Variants in SFI1 observed in about 807,000 individuals in gnomAD.
SFI1 encodes SFI1 centrin binding protein.
A neutral mutation model predicts 207.5 loss-of-function variants in SFI1; 195 were observed. The ratio of observed to expected loss-of-function variants is 0.94; its 90% CI spans 0.84 to 1.06. The LOEUF (loss-of-function observed/expected upper bound fraction) is 1.06. Among genes scored for constraint, SFI1 ranks in the 50% least tolerant of loss-of-function variants. The probability of loss-of-function intolerance (pLI) is 0.00; values close to 1 mark genes in which losing one functional copy is unlikely to be tolerated. For synonymous variants in SFI1, 630 were observed against 598.9 expected, an observed-to-expected ratio of 1.05 and a Z score of -0.76; for missense variants, 1,634 against 1,588.0, an observed-to-expected ratio of 1.03 and a Z score of -0.49.
chr22:31,608,643 GA>G (rs2069498149), intron 22 of SFI1, among the ~76,000 whole-genome samples: 5 of 137,090 alleles, frequency 3.6e-5, no homozygotes, highest in African/African-American at 5.9e-5. Flanking sequence ...GATCTACAGA[GA>G]AATAAAGAAA....
At chr22:31,553,913 G>T (rs1479868189) in intron 6 of SFI1, among the ~76,000 whole-genome samples, 1 of 130,078 alleles carries the variant, frequency 7.7e-6, no homozygotes, top group African/African-American at 3.0e-5. Context: ...GTGGTGTGAG[G>T]ATAACCCATT....
chr22:31,556,969 G>C lies in SFI1; in HGVS notation c.572G>C (p.Trp191Ser). 6.2e-7 allele frequency: 1 copy of C among 1,610,042 alleles called. No homozygotes were observed. Among genetic ancestry groups the C allele is most frequent in the Admixed American group, 1.7e-5 (1 of 59,304 alleles). ...GCAAAGCAAAAGATGCGACAGGCCTGGAAGTCCTGGTTGATCTACGTGGTT... is the reference window on the plus strand; with the variant it reads ...GCAAAGCAAAAGATGCGACAGGCCTCGAAGTCCTGGTTGATCTACGTGGTT... ...HDAKQKMRQAWKSWLIYVVVR... is the reference protein window; with the variant it reads ...HDAKQKMRQASKSWLIYVVVR... The change falls in exon 7 of 33, where the codon TGG becomes TCG. Residue 191 changes from tryptophan to serine, a missense_variant. Trp to Ser is a radical substitution (Grantham distance 177). Coordinates refer to ENST00000400288, the MANE Select transcript of SFI1 (RefSeq NM_001007467.3).
At chr22:31,565,610 G>A (rs2062216578) in intron 8 of SFI1, among the ~76,000 whole-genome samples, 1 of 152,054 alleles carries the variant, frequency 6.6e-6, no homozygotes, top group Admixed American at 6.6e-5. Context: ...TAGGTTGGAG[G>A]ATCACTTGAA....
chr22:31,589,683 C>G, intron 15 of SFI1, 106 bp downstream of exon 15: 1 of 1,224,428 alleles, frequency 8.2e-7, no homozygotes. Flanking sequence ...ACCCCAGGCC[C>G]TAGTACTTCC....
chr22:31,547,981 G>A (rs1419297475), intron 5 of SFI1, among the ~76,000 whole-genome samples: 6 of 151,014 alleles, frequency 4.0e-5, no homozygotes, highest in African/African-American at 7.3e-5. Flanking sequence ...TTGGGAGGCC[G>A]AGATGGGCGG....
Position 31,564,902 on chromosome 22 carries a change from C to T in SFI1, c.765+3510C>T, listed in dbSNP as rs1458387185. 3.4e-5 allele frequency among the ~76,000 whole-genome samples: 5 copies of T among 148,076 alleles called. 1 individual carries two copies. Among genetic ancestry groups the T allele is most frequent in the Non-Finnish European group, 5.9e-5 (4 of 67,582 alleles). On this transcript the variant is annotated intron_variant, in intron 8 of 32. Transcript: ENST00000400288. Reference sequence around the variant, plus strand: ...GATGTTGGCTCACTGCAAGCTCCGCCTCCCGGGTTCACGTCATTCTCCTGC... The same window carrying T: ...GATGTTGGCTCACTGCAAGCTCCGCTTCCCGGGTTCACGTCATTCTCCTGC...
Position 31,514,493 on chromosome 22 carries a change from G to A in SFI1, c.92+6117G>A, listed in dbSNP as rs2056173668. Among the ~76,000 whole-genome samples, 3 of 126,988 alleles carry A rather than the reference G, an allele frequency of 2.4e-5. No individual in the cohort carries two copies. In the South Asian group the frequency reaches 9.1e-4, roughly 38 times the overall value. 83.3% of individuals were successfully genotyped at this position (126,988 alleles called of 152,430 possible). A position where few individuals can be genotyped will look rare whatever the true frequency, so the allele number is the denominator to read the frequency against. ...ACTACACTCCAGCCTGGGCGACAGA[G>A]TGAGACTCTGTCTCAAAAAAAAAAA... On this transcript the variant is annotated intron_variant, in intron 2 of 32. Transcript: ENST00000400288.
At chr22:31,502,750 T>A (rs746800660) in intron 1 of SFI1, among the ~76,000 whole-genome samples, 9 of 152,168 alleles carry the variant, frequency 5.9e-5, no homozygotes, top group Non-Finnish European at 1.0e-4. Flanking sequence ...TTTTGGTCTC[T>A]TTTTTATTTG....
intron 15 of SFI1, among the ~76,000 whole-genome samples, chr22:31,598,716 C>CTCTTTTT (rs2067574031): frequency 3.7e-5 from 1 of 26,882 alleles, no homozygotes; most frequent in South Asian, 2.3e-3. Context: ...TGCGCCTGGC[C>CTCTTTTT]TTTTTTTTTT....
intron 2 of SFI1, among the ~76,000 whole-genome samples, chr22:31,522,456 A>G (rs1018563793): frequency 3.9e-5 from 6 of 152,096 alleles, no homozygotes; most frequent in East Asian, 1.9e-4. Flanking sequence ...TCATCATCCC[A>G]TGTGGAAATT....
upstream of SFI1, chr22:31,496,353 T>C (rs1280878972): frequency 2.0e-5 from 3 of 152,292 alleles, no homozygotes; most frequent in Non-Finnish European, 4.4e-5. Flanking sequence ...GGGTGCATGC[T>C]CCACGCCCCT....
Position 31,609,681 on chromosome 22 carries a change from C to T in SFI1, c.2255-1462C>T, listed in dbSNP as rs1323459431. The stretch of plus-strand genomic sequence containing the variant: ...GACAAAACCCTGGGGTCAGCCATCC[C>T]ACACGGCTGCATTACTGCGCCACGA... On this transcript the variant is annotated intron_variant, in intron 22 of 32. Transcript: ENST00000400288. Among the ~76,000 whole-genome samples, 10 of 152,238 alleles carry T rather than the reference C, an allele frequency of 6.6e-5. No individual in the cohort carries two copies. The East Asian group carries it at 1.9e-3, about 29-fold the overall frequency.
At chr22:31,595,815 A>T (rs993052759) in intron 15 of SFI1, among the ~76,000 whole-genome samples, 6 of 152,158 alleles carry the variant, frequency 3.9e-5, no homozygotes, top group African/African-American at 1.4e-4. Flanking sequence ...CTATAGATAG[A>T]TATTCGAAAG....
At chr22:31,506,456 A>G (rs1402446325) in intron 1 of SFI1, among the ~76,000 whole-genome samples, 1 of 152,210 alleles carries the variant, frequency 6.6e-6, no homozygotes, top group Non-Finnish European at 1.5e-5. Flanking sequence ...CTTGGCCTCT[A>G]CTGGTGTTTT....
chr22:31,548,771 T>C (rs2060344672), intron 5 of SFI1, among the ~76,000 whole-genome samples: 2 of 151,534 alleles, frequency 1.3e-5, no homozygotes, highest in South Asian at 4.2e-4. Context: ...ATCATGCCAC[T>C]GCACTCCAGT....
chr22:31,565,989 A>C (rs1020320087), intron 8 of SFI1, among the ~76,000 whole-genome samples: 9 of 150,864 alleles, frequency 6.0e-5, no homozygotes, highest in African/African-American at 1.7e-4. Context: ...GGATAGACAG[A>C]GATCTATTAA....
chr22:31,582,227 TATATATA>T, intron 12 of SFI1, among the ~76,000 whole-genome samples: 2 of 48,454 alleles, frequency 4.1e-5, no homozygotes, highest in Admixed American at 2.3e-4. Context: ...TATATATATA[TATATATA>T]TATTTTTTTT....
chr22:31,614,995 T>A, intron 28 of SFI1, 53 bp from the exon 29 acceptor site: 1 of 1,587,498 alleles, frequency 6.3e-7, no homozygotes, highest in Non-Finnish European at 8.6e-7. Context: ...TGTTCTTTGG[T>A]CCCAGAGGAG....
In SFI1 at chr22:31,615,292, C is replaced by T. The variant is rs909231669; in HGVS notation, c.3300+13C>T. 2 of 1,474,548 alleles carry T rather than the reference C, an allele frequency of 1.4e-6. No individual in the cohort carries two copies. Among genetic ancestry groups the T allele is most frequent in the Non-Finnish European group, 1.8e-6 (2 of 1,118,770 alleles). 91.3% of individuals were successfully genotyped at this position (1,474,548 alleles called of 1,614,324 possible). On this transcript the variant is annotated intron_variant, in intron 29 of 32. Transcript: ENST00000400288. ...TGCACCAGCCAGGGTACGTCCTCCA[C>T]CACCAGGCCTGGGCACTGGGGCTCT...
Sources: allele counts gnomAD v4.1 joint callset (sites outside exome capture counted in the v4.1 genomes callset), GRCh38; gene constraint gnomAD v4.1.1; transcripts MANE v1.5; gene names NCBI Gene and HGNC (gene_info 2026-07-23, HGNC 2026-07-21).